ZNF721: variants seen among roughly 807,000 people sequenced by gnomAD.
ZNF721 encodes zinc finger protein 721.
In ZNF721, 2 loss-of-function variants were observed where a neutral mutation model predicts 2.4. The observed-to-expected ratio is 0.82, with a 90% CI of 0.34 to 2.58. The LOEUF (loss-of-function observed/expected upper bound fraction) is 2.58. Ranked by LOEUF, ZNF721 falls within the 30% of genes most tolerant of loss-of-function variation. The probability of loss-of-function intolerance (pLI) is 0.11; values close to 1 mark genes in which losing one functional copy is unlikely to be tolerated. For missense variants in ZNF721, 1,187 were observed against 1,085.5 expected (o/e 1.09, Z -1.31); for synonymous variants, 398 against 381.8 (o/e 1.04, Z -0.50).
At position 495,970 on chromosome 4, in the gene ZNF721, G is replaced by C. The variant is rs1553872151; in HGVS notation, c.-94+3086C>G. Among the ~76,000 whole-genome samples the C allele has an allele frequency of 4.6e-5, 7 of 152,060 alleles. No homozygotes were observed. In the South Asian group the frequency reaches 8.3e-4, roughly 18 times the overall value. On this transcript the variant is annotated intron_variant, in intron 1 of 2. Coordinates refer to ENST00000511833, the MANE Select transcript of ZNF721 (RefSeq NM_133474.4). ...TTTTTAAATCTCATTACCATATTTC[G>C]GCCGGACAGAATGCTACTTTCAGAA... is the stretch of plus-strand genomic sequence containing the variant.
chr4:459,030 C>G (rs1383191074), intron 2 of ZNF721, among the ~76,000 whole-genome samples: 25 of 152,086 alleles, frequency 1.6e-4, no homozygotes, highest in Non-Finnish European at 1.5e-5. Context: ...AATTTTCAAC[C>G]CAGAATTTCA....
intron 2 of ZNF721, among the ~76,000 whole-genome samples, chr4:444,771 AAAGAG>A (rs1254049172): frequency 6.6e-6 from 1 of 152,132 alleles, no homozygotes; most frequent in African/African-American, 2.4e-5. Flanking sequence ...TTTTTCCTTA[AAAGAG>A]AAGAAAAATA....
chr4:460,924 G>A (rs878991550), intron 2 of ZNF721, among the ~76,000 whole-genome samples: 1 of 152,072 alleles, frequency 6.6e-6, no homozygotes, highest in Admixed American at 6.6e-5. Flanking sequence ...GAATAGACCA[G>A]TAACAAGTTC....
intron 2 of ZNF721, among the ~76,000 whole-genome samples, chr4:465,679 C>A (rs554946769): frequency 6.6e-6 from 1 of 151,754 alleles, no homozygotes; most frequent in Non-Finnish European, 1.5e-5. Flanking sequence ...TGATCGGCCT[C>A]GTGATCGGCC....
intron 1 of ZNF721, among the ~76,000 whole-genome samples, chr4:496,129 C>G (rs1467039624): frequency 6.8e-6 from 1 of 147,090 alleles, no homozygotes; most frequent in Non-Finnish European, 1.5e-5. Flanking sequence ...TTTCCTCCCC[C>G]AACCATACCG....
chr4:481,090 T>C (rs1228937196), intron 1 of ZNF721, among the ~76,000 whole-genome samples: 2 of 152,094 alleles, frequency 1.3e-5, no homozygotes, highest in African/African-American at 4.8e-5. Flanking sequence ...CCTGGCTGAT[T>C]TTTGTATTTT....
Position 443,591 on chromosome 4 carries a change from A to G in ZNF721, c.876T>C (p.Leu292=), listed in dbSNP as rs1553863693. 6.2e-7 allele frequency: 1 copy of G among 1,613,252 alleles called. No homozygotes were observed. Among genetic ancestry groups the G allele is most frequent in the South Asian group, 1.1e-5 (1 of 91,044 alleles). Residue 292 remains leucine (L), a synonymous_variant, in exon 3 of 3, where the codon CTT becomes CTC. Coordinates refer to ENST00000511833, the MANE Select transcript of ZNF721 (RefSeq NM_133474.4). ...CAGTATGAATTCTCCTATGTTTAGT[A>G]AGGGTTGTGGAAATATTAAAGGCTT... is the stretch of plus-strand genomic sequence containing the variant. ...CGKAFNISTT[L]TKHRRIHTGE...
chr4:473,708 G>A (rs1715536125), intron 1 of ZNF721, among the ~76,000 whole-genome samples: 1 of 152,172 alleles, frequency 6.6e-6, no homozygotes, highest in South Asian at 2.1e-4. Flanking sequence ...CGCCGCACCT[G>A]GCGTCTTCCC....
Position 443,367 on chromosome 4 carries a change from C to A in ZNF721, c.1100G>T (p.Gly367Val). 1.2e-6 allele frequency: 2 copies of A among 1,614,056 alleles called. No homozygotes were observed. Among genetic ancestry groups the A allele is most frequent in the Non-Finnish European group, 1.7e-6 (2 of 1,179,972 alleles). Residue 367 changes from glycine (G) to valine (V), a missense_variant, in exon 3 of 3, where the codon GGC becomes GTC. Gly to Val is a moderately radical substitution (Grantham distance 109, BLOSUM62 -3). Coordinates refer to ENST00000511833, the MANE Select transcript of ZNF721 (RefSeq NM_133474.4). ...GGCTGTGTACCGTCCAAAGGCTTTG[C>A]CACAGTCTTCGCATTTGTAAGGTTT... ...GEKPYKCEDC[G>V]KAFGRYTALN...
intron 1 of ZNF721, among the ~76,000 whole-genome samples, chr4:473,202 G>A (rs1427460640): frequency 2.0e-5 from 3 of 152,156 alleles, no homozygotes; most frequent in African/African-American, 7.2e-5. Flanking sequence ...ATTATTTGAT[G>A]TTAAAGGCCT....
chr4:452,694 G>C lies in ZNF721; in HGVS notation c.35-8262C>G, dbSNP rs530138482. On this transcript the variant is annotated intron_variant, in intron 2 of 2. Transcript: ENST00000511833. ...GGAAGAGGGTACCTTTGGGGTTTTG[G>C]ACCCAGAAACTGCCATAGGCTGGCA... 5.3e-5 allele frequency among the ~76,000 whole-genome samples: 8 copies of C among 152,238 alleles called. No individual in the cohort carries two copies. The South Asian group carries it at 1.7e-3, about 32-fold the overall frequency.
At chr4:446,374 A>T (rs1464792583) in intron 2 of ZNF721, among the ~76,000 whole-genome samples, 7 of 149,802 alleles carry the variant, frequency 4.7e-5, no homozygotes, top group Admixed American at 2.7e-4. Context: ...TGTAATGAGG[A>T]AGTTTTCTTT....
chr4:450,658 C>T (rs1714617326), intron 2 of ZNF721, among the ~76,000 whole-genome samples: 1 of 123,902 alleles, frequency 8.1e-6, no homozygotes, highest in Non-Finnish European at 1.7e-5. Context: ...CCAAAAAAGC[C>T]GGGCGCGGTT....
At chr4:478,629 G>C (rs1338616827) in intron 1 of ZNF721, among the ~76,000 whole-genome samples, 1 of 152,114 alleles carries the variant, frequency 6.6e-6, no homozygotes, top group Non-Finnish European at 1.5e-5. Context: ...ATATGTCAAG[G>C]GTTATGTAAG....
intron 2 of ZNF721, among the ~76,000 whole-genome samples, chr4:448,607 A>G (rs1190229605): frequency 5.9e-5 from 9 of 152,202 alleles, no homozygotes; most frequent in African/African-American, 2.2e-4. Flanking sequence ...ACCCCATATT[A>G]TATCAAATTA....
intron 1 of ZNF721, among the ~76,000 whole-genome samples, chr4:486,158 T>C (rs1276084397): frequency 1.1e-5 from 1 of 93,744 alleles, no homozygotes; most frequent in African/African-American, 2.8e-5. Flanking sequence ...TCTTTTTTTT[T>C]TCTTTTCTTT....
chr4:482,220 A>G (rs568976363), intron 1 of ZNF721, among the ~76,000 whole-genome samples: 1 of 152,218 alleles, frequency 6.6e-6, no homozygotes, highest in African/African-American at 2.4e-5. Flanking sequence ...CTGGAGTGCA[A>G]TGGCGCCATC....
At chr4:458,707 G>A (rs1365283252) in intron 2 of ZNF721, among the ~76,000 whole-genome samples, 5 of 152,072 alleles carry the variant, frequency 3.3e-5, no homozygotes, top group African/African-American at 9.7e-5. Context: ...TTAGCAGGGC[G>A]TGGTGGCATG....
At chr4:481,359 A>C (rs1715765527) in intron 1 of ZNF721, among the ~76,000 whole-genome samples, 1 of 152,216 alleles carries the variant, frequency 6.6e-6, no homozygotes, top group South Asian at 2.1e-4. Flanking sequence ...TGTGTTGAAT[A>C]GTGGCCATCC....
Sources: gnomAD v4.1 joint callset for allele counts (sites outside exome capture counted in the v4.1 genomes callset) on GRCh38, gnomAD v4.1.1 for gene constraint, MANE v1.5 for transcripts, NCBI Gene and HGNC (gene_info 2026-07-23, HGNC 2026-07-21) for gene names.